RBFOX1: variants seen among roughly 807,000 people sequenced by gnomAD.
The protein encoded by RBFOX1 is RNA binding protein fox-1 homolog 1.
Under a neutral mutation model 57.7 loss-of-function variants are expected in RBFOX1, and 8 were observed. That is an observed-to-expected ratio of 0.14 (90% CI 0.08 to 0.25). The LOEUF (loss-of-function observed/expected upper bound fraction) is 0.25, where lower values mean the gene tolerates loss of function less well. Ranked by LOEUF, RBFOX1 falls within the 10% of genes least tolerant of loss-of-function variation. The probability of loss-of-function intolerance (pLI) is 1.00; values close to 1 mark genes in which losing one functional copy is unlikely to be tolerated. For missense variants in RBFOX1, 611 were observed against 548.5 expected (o/e 1.11, Z -1.14); for synonymous variants, 326 against 222.4 (o/e 1.47, Z -4.15).
intron 3 of RBFOX1, among the ~76,000 whole-genome samples, chr16:6,788,734 C>G (rs1388369286): frequency 1.3e-5 from 2 of 148,258 alleles, no homozygotes; most frequent in East Asian, 4.2e-4. Context: ...CTCGGCCTCC[C>G]AGAGTGCTGG....
At chr16:7,482,765 G>A (rs2064325745) in intron 4 of RBFOX1, among the ~76,000 whole-genome samples, 1 of 151,788 alleles carries the variant, frequency 6.6e-6, no homozygotes, top group Non-Finnish European at 1.5e-5. Flanking sequence ...TGGATGTGCT[G>A]GTAAGCCCCT....
At chr16:6,481,839 C>T (rs1284587622) in intron 2 of RBFOX1, among the ~76,000 whole-genome samples, 2 of 152,078 alleles carry the variant, frequency 1.3e-5, no homozygotes, top group African/African-American at 4.8e-5. Flanking sequence ...AGAGAGAACA[C>T]AAATAGAATT....
intron 2 of RBFOX1, among the ~76,000 whole-genome samples, chr16:5,561,494 C>A (rs2045889188): frequency 6.6e-6 from 1 of 152,060 alleles, no homozygotes; most frequent in African/African-American, 2.4e-5. Flanking sequence ...GTCTGTTTAA[C>A]AGTCATTCTA....
chr16:7,304,441 T>G, intron 4 of RBFOX1: 1 of 985,340 alleles, frequency 1.0e-6, no homozygotes, highest in African/African-American at 1.7e-5. Context: ...CGTGGGCATG[T>G]GTCCCCAGCT....
chr16:5,272,116 A>G (rs1344230350), intron 1 of RBFOX1, among the ~76,000 whole-genome samples: 1 of 152,198 alleles, frequency 6.6e-6, no homozygotes, highest in East Asian at 1.9e-4. Flanking sequence ...GTCTGTACCC[A>G]GAAGTTGGGT....
chr16:5,329,878 T>C (rs2064697944), intron 1 of RBFOX1, among the ~76,000 whole-genome samples: 1 of 151,784 alleles, frequency 6.6e-6, no homozygotes, highest in Non-Finnish European at 1.5e-5. Flanking sequence ...GGCAGGCACC[T>C]GTAGTGATGT....
chr16:6,124,887 TTTAA>T (rs1302002016), intron 1 of RBFOX1, among the ~76,000 whole-genome samples: 3 of 152,176 alleles, frequency 2.0e-5, no homozygotes, highest in Non-Finnish European at 4.4e-5. Context: ...CAAGCAGATT[TTTAA>T]CCATCTACAA....
intron 4 of RBFOX1, among the ~76,000 whole-genome samples, chr16:7,209,521 C>G (rs1296190895): frequency 2.6e-5 from 4 of 152,190 alleles, no homozygotes; most frequent in Admixed American, 6.5e-5. Context: ...ACATGGCTGG[C>G]TCTTGCCCTT....
chr16:6,060,445 C>T (rs937427866), intron 1 of RBFOX1, among the ~76,000 whole-genome samples: 1 of 152,176 alleles, frequency 6.6e-6, no homozygotes, highest in African/African-American at 2.4e-5. Flanking sequence ...TTATTATACT[C>T]TTAGGAGAAG....
intron 3 of RBFOX1, among the ~76,000 whole-genome samples, chr16:5,622,946 A>G (rs906223615): frequency 5.3e-5 from 8 of 152,228 alleles, no homozygotes; most frequent in African/African-American, 1.2e-4. Flanking sequence ...TGTATTGGCT[A>G]TTACAGGTAA....
At chr16:7,639,478 A>G (rs982588246) in intron 11 of RBFOX1, among the ~76,000 whole-genome samples, 1 of 152,110 alleles carries the variant, frequency 6.6e-6, no homozygotes, top group African/African-American at 2.4e-5. Flanking sequence ...CATTCAACCA[A>G]TCTTTATTGA....
chr16:7,573,704 C>G (rs1334695656), intron 5 of RBFOX1, among the ~76,000 whole-genome samples: 3 of 152,002 alleles, frequency 2.0e-5, no homozygotes, highest in African/African-American at 7.2e-5. Flanking sequence ...CACAGTGGCA[C>G]ACACCTATAA....
chr16:6,428,152 G>A (rs1304475189), intron 2 of RBFOX1, among the ~76,000 whole-genome samples: 1 of 151,912 alleles, frequency 6.6e-6, no homozygotes, highest in Non-Finnish European at 1.5e-5. Context: ...CAAGTGTGCT[G>A]GTGTATGCCT....
At chr16:6,987,459 ACACACACACACACACACACACAC>A (rs2090544051) in intron 3 of RBFOX1, among the ~76,000 whole-genome samples, 1 of 23,382 alleles carries the variant, frequency 4.3e-5, no homozygotes, top group Non-Finnish European at 7.7e-5. Flanking sequence ...CTTTTCAGAC[ACACACACACACACACACACACAC>A]ACACACACAC....
At chr16:7,612,083 A>G (rs2057584100) in intron 10 of RBFOX1, among the ~76,000 whole-genome samples, 1 of 152,076 alleles carries the variant, frequency 6.6e-6, no homozygotes, top group Non-Finnish European at 1.5e-5. Flanking sequence ...GCACTTTGGG[A>G]GGCCGAGGCA....
At chr16:7,664,795 C>T (rs555544854) in intron 12 of RBFOX1, 134 bp from the exon 13 acceptor site, 3 of 1,538,196 alleles carry the variant, frequency 2.0e-6, no homozygotes, top group Admixed American at 3.4e-5. Flanking sequence ...CTCCTTAATC[C>T]AATGTGAAAA....
At chr16:5,429,587 G>A (rs1252249115) in intron 1 of RBFOX1, among the ~76,000 whole-genome samples, 1 of 152,146 alleles carries the variant, frequency 6.6e-6, no homozygotes. Flanking sequence ...GCTCGCAGGT[G>A]GAATAGTTGT....
intron 2 of RBFOX1, among the ~76,000 whole-genome samples, chr16:5,502,109 G>T (rs538505413): frequency 9.7e-4 from 147 of 152,160 alleles, no homozygotes; most frequent in Middle Eastern, 3.4e-3. Context: ...GACCAGTATG[G>T]CCGGCAGAAG....
intron 3 of RBFOX1, among the ~76,000 whole-genome samples, chr16:5,742,615 T>C (rs1287852684): frequency 1.3e-5 from 2 of 152,166 alleles, no homozygotes; most frequent in Non-Finnish European, 2.9e-5. Context: ...TTGGTCAAGC[T>C]ACTCATATAG....
Sources: allele counts gnomAD v4.1 joint callset (sites outside exome capture counted in the v4.1 genomes callset), GRCh38; gene constraint gnomAD v4.1.1; transcripts MANE v1.5; gene names NCBI Gene and HGNC (gene_info 2026-07-23, HGNC 2026-07-21).